The following SCAPER variants were observed in gnomAD, a reference collection of about 807,000 sequenced individuals.
SCAPER encodes S-phase cyclin A associated protein in the ER.
In SCAPER, 98 loss-of-function variants were observed where a neutral mutation model predicts 182.2. The ratio of observed to expected loss-of-function variants is 0.54; its 90% CI spans 0.46 to 0.64. The LOEUF is 0.64. Ranked by LOEUF, SCAPER falls within the 30% of genes least tolerant of loss-of-function variation. The pLI, the probability that SCAPER is intolerant of heterozygous loss-of-function variation, is 0.00. For synonymous variants in SCAPER, 605 were observed against 564.6 expected (o/e 1.07, Z -1.01); for missense variants, 1,432 against 1,690.0 (o/e 0.85, Z 2.68).
At chr15:76,814,413 G>T (rs779927055) in intron 5 of SCAPER, among the ~76,000 whole-genome samples, 9 of 152,082 alleles carry the variant, frequency 5.9e-5, no homozygotes, top group Non-Finnish European at 1.0e-4. Context: ...AGACAGACAT[G>T]AAGACCAACA....
chr15:76,516,914 G>A (rs576387285), intron 23 of SCAPER, among the ~76,000 whole-genome samples: 77 of 152,196 alleles, frequency 5.1e-4, no homozygotes, highest in African/African-American at 1.8e-3. Flanking sequence ...ACAGGCCCTG[G>A]GCTATCTTCA....
chr15:76,562,604 CA>C (rs943760925), intron 23 of SCAPER, among the ~76,000 whole-genome samples: 10 of 152,092 alleles, frequency 6.6e-5, no homozygotes, highest in Non-Finnish European at 1.5e-4. Context: ...TAGCAAAAAT[CA>C]AAATGTCTGA....
At chr15:76,573,970 C>A (rs1008681785) in intron 23 of SCAPER, among the ~76,000 whole-genome samples, 188 bp downstream of exon 23, 14 of 151,316 alleles carry the variant, frequency 9.3e-5, no homozygotes, top group African/African-American at 9.7e-5. Flanking sequence ...TAAAAAAAAA[C>A]CTGAAAATAG....
intron 5 of SCAPER, among the ~76,000 whole-genome samples, chr15:76,813,592 C>G (rs1343866781): frequency 6.6e-6 from 1 of 152,026 alleles, no homozygotes; most frequent in Admixed American, 6.5e-5. Context: ...AAAAAAAGGT[C>G]AGAACTTCTA....
chr15:76,654,785 T>C (rs897691218), intron 21 of SCAPER, among the ~76,000 whole-genome samples: 1 of 152,172 alleles, frequency 6.6e-6, no homozygotes, highest in African/African-American at 2.4e-5. Context: ...GGCTTACTCT[T>C]TTACAATTTT....
chr15:76,877,278 C>A (rs1301084526), intron 2 of SCAPER, among the ~76,000 whole-genome samples: 1 of 150,120 alleles, frequency 6.7e-6, no homozygotes, highest in Non-Finnish European at 1.5e-5. Flanking sequence ...AATCTGAGTA[C>A]CAAAATAAAT....
chr15:76,876,262 C>A (rs911820542), intron 2 of SCAPER, among the ~76,000 whole-genome samples: 1 of 152,122 alleles, frequency 6.6e-6, no homozygotes, highest in African/African-American at 2.4e-5. Context: ...GGGGCCCCCA[C>A]AGCTCAGTGG....
chr15:76,619,082 T>C (rs1378770024), intron 22 of SCAPER, among the ~76,000 whole-genome samples: 1 of 152,234 alleles, frequency 6.6e-6, no homozygotes, highest in Non-Finnish European at 1.5e-5. Flanking sequence ...TGATCTCAAG[T>C]GATCCACCTG....
At position 76,402,044 on chromosome 15, in the gene SCAPER, T is replaced by C. The variant is rs532506620; in HGVS notation, c.3467+2480A>G. ...CAGCTGGCTGAGGCAGGAGAATCGC[T>C]TGAACATGGAAGGCAGAGGTTGCAG... On this transcript the variant is annotated intron_variant, in intron 27 of 31. Coordinates refer to ENST00000563290, the MANE Select transcript of SCAPER (RefSeq NM_020843.4). Among the ~76,000 whole-genome samples, 5 of 152,218 alleles carry C rather than the reference T, an allele frequency of 3.3e-5. No homozygotes were observed. The South Asian group carries it at 1.0e-3, about 32-fold the overall frequency.
chr15:76,700,326 G>A (rs2058870052), intron 20 of SCAPER, among the ~76,000 whole-genome samples: 1 of 152,118 alleles, frequency 6.6e-6, no homozygotes, highest in African/African-American at 2.4e-5. Flanking sequence ...TTCACAAGCT[G>A]GACTCCAGTC....
chr15:76,855,820 T>C, intron 4 of SCAPER: 1 of 422,768 alleles, frequency 2.4e-6, no homozygotes, highest in Non-Finnish European at 4.8e-6. Context: ...ACGCTATTGC[T>C]GGGAGTGTAA....
intron 21 of SCAPER, among the ~76,000 whole-genome samples, chr15:76,631,611 C>T (rs1250625981): frequency 2.0e-5 from 3 of 152,178 alleles, no homozygotes; most frequent in Non-Finnish European, 4.4e-5. Flanking sequence ...TGAATACTGA[C>T]CCCCAATCTT....
chr15:76,497,569 A>C (rs2040679863), intron 24 of SCAPER, among the ~76,000 whole-genome samples: 1 of 152,156 alleles, frequency 6.6e-6, no homozygotes, highest in Non-Finnish European at 1.5e-5. Flanking sequence ...AAAAGGTAAC[A>C]AGGAAGGAAA....
chr15:76,612,622 C>T (rs1486730793), intron 22 of SCAPER, among the ~76,000 whole-genome samples: 1 of 152,130 alleles, frequency 6.6e-6, no homozygotes, highest in African/African-American at 2.4e-5. Context: ...CATTCCTATA[C>T]ACCAACAGTC....
At chr15:76,900,804 T>G (rs1301735282) in intron 1 of SCAPER, among the ~76,000 whole-genome samples, 1 of 152,162 alleles carries the variant, frequency 6.6e-6, no homozygotes, top group Non-Finnish European at 1.5e-5. Context: ...CTCCAAAATA[T>G]AGGGGCCCAT....
chr15:76,628,075 G>A (rs776436841), intron 21 of SCAPER, among the ~76,000 whole-genome samples: 30 of 152,098 alleles, frequency 2.0e-4, no homozygotes, highest in Non-Finnish European at 2.9e-4. Context: ...TTTGTTGGCC[G>A]CATGAATGTC....
At chr15:76,677,585 T>A (rs1338167048) in intron 20 of SCAPER, among the ~76,000 whole-genome samples, 2 of 152,004 alleles carry the variant, frequency 1.3e-5, no homozygotes, top group East Asian at 3.9e-4. Context: ...ATTTTAAGTC[T>A]AGTTTTTAAG....
intron 22 of SCAPER, among the ~76,000 whole-genome samples, chr15:76,616,953 A>T (rs1281560363): frequency 6.6e-6 from 1 of 152,204 alleles, no homozygotes; most frequent in East Asian, 1.9e-4. Flanking sequence ...AAAGTAAAAC[A>T]AATTGGGCAC....
At position 76,690,188 on chromosome 15, in the gene SCAPER, G is replaced by A. The variant is rs573826529; in HGVS notation, c.2508+11570C>T. On this transcript the variant is annotated intron_variant, in intron 20 of 31. Coordinates refer to ENST00000563290, the MANE Select transcript of SCAPER (RefSeq NM_020843.4). ...ATTGTATGTATCTCTGATATGATGT[G>A]GCATAAAGGACATTTAAACTCTATG... 3.3e-5 allele frequency among the ~76,000 whole-genome samples: 5 copies of A among 152,094 alleles called. No individual in the cohort carries two copies. The South Asian group carries it at 8.3e-4, about 25-fold the overall frequency.
Sources: gnomAD v4.1 joint callset for allele counts (sites outside exome capture counted in the v4.1 genomes callset) on GRCh38, gnomAD v4.1.1 for gene constraint, MANE v1.5 for transcripts, NCBI Gene and HGNC (gene_info 2026-07-23, HGNC 2026-07-21) for gene names.